Variants in SI observed in about 807,000 individuals in gnomAD.
The protein encoded by SI is sucrase-isomaltase, intestinal.
In SI, 235 loss-of-function variants were observed where a neutral mutation model predicts 253.3. The ratio of observed to expected loss-of-function variants is 0.93; its 90% confidence interval spans 0.83 to 1.03. The LOEUF (loss-of-function observed/expected upper bound fraction) is 1.03, where lower values mean the gene tolerates loss of function less well. SI is among the 50% of genes least tolerant of loss of function. SI has a pLI of 0.00. For synonymous variants in SI, 819 were observed against 712.0 expected, an observed-to-expected ratio of 1.15 and a Z score of -2.39; for missense variants, 2,442 against 2,211.1, an observed-to-expected ratio of 1.10 and a Z score of -2.09.
intron 37 of SI, among the ~76,000 whole-genome samples, chr3:165,004,889 C>T (rs777334940): frequency 6.6e-6 from 1 of 152,124 alleles, no homozygotes; most frequent in Non-Finnish European, 1.5e-5. Flanking sequence ...TTGCAATCCC[C>T]ACCTGTCAAG....
At chr3:165,027,126 G>A (rs139478747) in intron 25 of SI, among the ~76,000 whole-genome samples, 140 of 151,300 alleles carry the variant, frequency 9.3e-4, no homozygotes, top group African/African-American at 3.3e-3. Flanking sequence ...GAAATGAAAT[G>A]CGAGATACTA....
intron 37 of SI, among the ~76,000 whole-genome samples, chr3:165,003,744 C>A (rs1367646168): frequency 6.6e-6 from 1 of 151,884 alleles, no homozygotes; most frequent in Non-Finnish European, 1.5e-5. Context: ...ATAAAAGAGA[C>A]CAATTAAATA....
At chr3:165,080,964 G>A (rs1048281205), upstream of SI, among the ~76,000 whole-genome samples, 1 of 151,768 alleles carries the variant, frequency 6.6e-6, no homozygotes, top group African/African-American at 2.4e-5. Context: ...TTGAATTTGT[G>A]TACCTTCTAT....
chr3:165,006,966 C>A lies in SI; in HGVS notation c.4268-12G>T. On this transcript the variant is annotated splice_polypyrimidine_tract_variant and intron_variant, in intron 36 of 47. Transcript: ENST00000264382. Reference sequence around the variant, plus strand: ...TCTTTTTGTGAGTTCTGGAAAGAATCAATGAAAAAATATTAATATATTATA... The same window carrying A: ...TCTTTTTGTGAGTTCTGGAAAGAATAAATGAAAAAATATTAATATATTATA... The A allele has an allele frequency of 6.3e-7, 1 of 1,576,410 alleles. No individual in the cohort carries two copies. Among genetic ancestry groups the A allele is most frequent in the South Asian group, 1.1e-5 (1 of 88,870 alleles).
intron 34 of SI, among the ~76,000 whole-genome samples, chr3:165,009,644 C>T (rs769173396): frequency 4.6e-5 from 7 of 152,040 alleles, no homozygotes; most frequent in Non-Finnish European, 1.0e-4. Context: ...AGTTCACAAC[C>T]CACAAAAGCA....
In SI at chr3:165,059,201, C is replaced by A. The variant is rs1350844385; in HGVS notation, c.1245G>T (p.Leu415Phe). 5 of 1,612,686 alleles carry A rather than the reference C, an allele frequency of 3.1e-6. No individual in the cohort carries two copies. Among genetic ancestry groups the A allele is most frequent in the Non-Finnish European group, 4.2e-6 (5 of 1,179,212 alleles). The change falls in exon 11 of 48, where the codon TTG (leucine) becomes TTT (phenylalanine). Residue 415 changes from leucine (L) to phenylalanine (F), a missense_variant. By Grantham distance (22) the Leu-to-Phe change is conservative. Transcript: ENST00000264382. ...TGACATATTTCTGTCCATGGTCATG[C>A]AAATCTTGCACAAATTGAGGGAGTC... ...FNGLPQFVQD[L>F]HDHGQKYVII...
At chr3:165,071,279 T>C (rs1714559504) in intron 3 of SI, among the ~76,000 whole-genome samples, 1 of 152,004 alleles carries the variant, frequency 6.6e-6, no homozygotes, top group Admixed American at 6.6e-5. Flanking sequence ...TTTTAATTTA[T>C]CTTGCGAAGA....
chr3:164,984,264 C>T (rs1717334605), intron 45 of SI, among the ~76,000 whole-genome samples: 1 of 152,068 alleles, frequency 6.6e-6, no homozygotes, highest in Non-Finnish European at 1.5e-5. Flanking sequence ...CTCTTATCTA[C>T]TTATACACAT....
rs761933110 is a variant in SI, at chr3:165,075,974, C to G, written c.39G>C (p.Leu13=). Residue 13 remains leucine, a synonymous_variant, in exon 2 of 48, where the codon CTG becomes CTC. Transcript: ENST00000264382. ...RKKFSGLEIS[L]IVLFVIVTII... is the part of the protein sequence containing the mutation. ...TAGTAACTATGACAAAAAGGACAAT[C>G]AGAGAGATTTCCAATCCACTAAATT... 6.3e-7 allele frequency: 1 copy of G among 1,594,060 alleles called. No homozygotes were observed. Among genetic ancestry groups the G allele is most frequent in the Admixed American group, 1.7e-5 (1 of 59,562 alleles).
At chr3:165,021,680 G>A (rs559809517) in intron 26 of SI, among the ~76,000 whole-genome samples, 46 of 151,620 alleles carry the variant, frequency 3.0e-4, no homozygotes, top group East Asian at 2.9e-3. Flanking sequence ...TGTTGTATGG[G>A]TATACCAAAA....
intron 34 of SI, 26 bp downstream of exon 34, chr3:165,012,954 G>A (rs750432798): frequency 2.1e-6 from 3 of 1,409,250 alleles, no homozygotes; most frequent in Non-Finnish European, 3.0e-6. Context: ...TCTTCTCATT[G>A]TATAGTTAGC....
rs1407780082 is a variant in SI at position 165,036,447 on chromosome 3, T to G, written c.2457A>C (p.Ala819=). 1.2e-6 allele frequency: 2 copies of G among 1,611,422 alleles called. No homozygotes were observed. Among genetic ancestry groups the G allele is most frequent in the Non-Finnish European group, 8.5e-7 (1 of 1,178,338 alleles). ...CTTTGGCTGTGTTGTTTTCACCTAA[T>G]GCGACTATAAGTCCTAGAGGATTCT... ...SRKNPLGLIV[A]LGENNTAKGD... The change falls in exon 22 of 48, where the codon GCA becomes GCC. Residue 819 remains alanine (A), a synonymous_variant. Transcript: ENST00000264382.
At chr3:165,067,228 C>T (rs1380141049) in intron 6 of SI, 112 bp downstream of exon 6, 1 of 790,820 alleles carries the variant, frequency 1.3e-6, no homozygotes, top group Non-Finnish European at 2.0e-6. Flanking sequence ...AACCTATCCA[C>T]CTACCCTCTT....
chr3:165,018,256 C>G (rs1339352338), intron 28 of SI, among the ~76,000 whole-genome samples, 190 bp from the exon 29 acceptor site: 1 of 150,954 alleles, frequency 6.6e-6, no homozygotes. Flanking sequence ...TTTCTGCTTT[C>G]GTGCAGTTTA....
intron 9 of SI, 89 bp from the exon 10 acceptor site, chr3:165,060,116 A>T (rs188306541): frequency 6.3e-6 from 7 of 1,112,078 alleles, no homozygotes; most frequent in Non-Finnish European, 9.3e-6. Flanking sequence ...TTATTTTCTT[A>T]TATCTCTAAA....
Position 165,060,046 on chromosome 3 carries a change from G to T in SI, c.1021-19C>A. 2 of 1,605,592 alleles carry T rather than the reference G, an allele frequency of 1.2e-6. No homozygotes were observed. Among genetic ancestry groups the T allele is most frequent in the South Asian group, 1.1e-5 (1 of 90,928 alleles). On this transcript the variant is annotated intron_variant, in intron 9 of 47. Transcript: ENST00000264382. ...CAACAAGCTTAAAGTAAATGAGCAT[G>T]TAATTAGTTTGAATAGAAATAAATA...
chr3:165,089,802 C>T, the SI span, among the ~76,000 whole-genome samples: 1 of 151,804 alleles, frequency 6.6e-6, no homozygotes, highest in Non-Finnish European at 1.5e-5. Context: ...TGTCTGTTGG[C>T]CTAGGCACTC....
At chr3:165,073,361 T>C (rs1714723660) in intron 3 of SI, among the ~76,000 whole-genome samples, 1 of 152,052 alleles carries the variant, frequency 6.6e-6, no homozygotes, top group Non-Finnish European at 1.5e-5. Context: ...CTGGCCACTT[T>C]CCTCAGTGTA....
intron 12 of SI, among the ~76,000 whole-genome samples, chr3:165,057,516 G>A (rs576664161): frequency 2.1e-3 from 318 of 151,980 alleles, no homozygotes; most frequent in African/African-American, 7.4e-3. Context: ...TAACCCAAAA[G>A]AGACTACCTC....
Sources: allele counts gnomAD v4.1 joint callset (sites outside exome capture counted in the v4.1 genomes callset), GRCh38; gene constraint gnomAD v4.1.1; transcripts MANE v1.5; gene names NCBI Gene and HGNC (gene_info 2026-07-23, HGNC 2026-07-21).